Variants in SNX29 observed in about 807,000 individuals in gnomAD.
SNX29 encodes sorting nexin 29, also known as sorting nexin-29.
In SNX29, 78 loss-of-function variants were observed where a neutral mutation model predicts 102.1. The ratio of observed to expected loss-of-function variants is 0.76; its 90% CI spans 0.64 to 0.92. SNX29 has a LOEUF of 0.92. Ranked by LOEUF, SNX29 falls within the 40% of genes least tolerant of loss-of-function variation. The probability of loss-of-function intolerance (pLI) is 0.00; values close to 1 mark genes in which losing one functional copy is unlikely to be tolerated. For synonymous variants in SNX29, 580 were observed against 414.5 expected, an observed-to-expected ratio of 1.40 and a Z score of -4.85; for missense variants, 1,280 against 1,061.7, an observed-to-expected ratio of 1.21 and a Z score of -2.86.
chr16:12,570,964 C>G lies in SNX29; in HGVS notation c.*2335C>G, dbSNP rs149573066. The G allele has an allele frequency of 2.6e-3, 614 of 232,320 alleles. 2 individuals are homozygous for G. Among genetic ancestry groups the G allele is most frequent in the African/African-American group, 0.012 (562 of 45,408 alleles). 14.4% of individuals were successfully genotyped at this position (232,320 alleles called of 1,614,324 possible). A position where few individuals can be genotyped will look rare whatever the true frequency, so the allele number is the denominator to read the frequency against. The stretch of plus-strand genomic sequence containing the variant: ...CCACATGGGGACCATCCCCAGCTGC[C>G]TGCTCCTGGTACCTCCCCCATGATC... On this transcript the variant is annotated 3_prime_UTR_variant, in exon 21 of 21. Transcript: ENST00000566228.
chr16:12,554,695 G>A (rs907028289), intron 20 of SNX29, among the ~76,000 whole-genome samples: 2 of 151,992 alleles, frequency 1.3e-5, no homozygotes, highest in Non-Finnish European at 2.9e-5. Flanking sequence ...CAGCATCCCT[G>A]CCCATGCCTG....
At chr16:12,129,851 T>G in intron 13 of SNX29, 93 bp downstream of exon 13, 1 of 1,422,002 alleles carries the variant, frequency 7.0e-7, no homozygotes, top group Non-Finnish European at 9.3e-7. Flanking sequence ...ATGCCTGTAA[T>G]CCCAGCACTT....
Position 12,447,765 on chromosome 16 carries a change from C to T in SNX29, c.2038-29954C>T, listed in dbSNP as rs1597410385. On this transcript the variant is annotated intron_variant, in intron 18 of 20. Coordinates refer to ENST00000566228, the MANE Select transcript of SNX29 (RefSeq NM_032167.5). ...CTCTCTCCTGAGATTGTGTTTGTCA[C>T]TTGGCGAGAGTGCTTCATGTGTCCC... 2.0e-5 allele frequency among the ~76,000 whole-genome samples: 3 copies of T among 152,188 alleles called. No homozygotes were observed. In the East Asian group the frequency reaches 5.8e-4, roughly 29 times the overall value.
chr16:12,025,283 C>G (rs370421597), intron 3 of SNX29, among the ~76,000 whole-genome samples: 19 of 80,838 alleles, frequency 2.4e-4, no homozygotes, highest in African/African-American at 9.6e-4. Context: ...GCCTGGGCAA[C>G]AAGAGCAAAA....
intron 6 of SNX29, 22 bp downstream of exon 6, chr16:12,046,476 G>T: frequency 3.7e-6 from 6 of 1,613,394 alleles, no homozygotes; most frequent in Non-Finnish European, 5.1e-6. Context: ...CCAGACCAGG[G>T]TGCAGGGCCT....
intron 15 of SNX29, among the ~76,000 whole-genome samples, chr16:12,278,761 A>C (rs765940755): frequency 1.3e-5 from 2 of 152,248 alleles, no homozygotes; most frequent in African/African-American, 2.4e-5. Context: ...AAATTCTAGA[A>C]AGTCATTACT....
intron 16 of SNX29, among the ~76,000 whole-genome samples, chr16:12,379,823 C>A (rs62039997): frequency 0.071 from 10,804 of 152,148 alleles, 629 homozygotes; most frequent in East Asian, 0.36. Flanking sequence ...TCATCGATCC[C>A]GGTGAGTGGG....
At chr16:12,553,977 A>C (rs1433038580) in intron 20 of SNX29, among the ~76,000 whole-genome samples, 1 of 152,060 alleles carries the variant, frequency 6.6e-6, no homozygotes, top group Non-Finnish European at 1.5e-5. Context: ...ACAGGCATCC[A>C]CCACATTTGG....
intron 20 of SNX29, among the ~76,000 whole-genome samples, chr16:12,561,803 GC>G (rs949047175): frequency 5.9e-5 from 9 of 152,260 alleles, no homozygotes; most frequent in Admixed American, 1.3e-4. Context: ...CTGGCAGGGG[GC>G]TCATTACCGC....
intron 5 of SNX29, among the ~76,000 whole-genome samples, chr16:12,043,820 C>G (rs1263800601): frequency 6.6e-6 from 1 of 152,112 alleles, no homozygotes; most frequent in Non-Finnish European, 1.5e-5. Context: ...CTGATGCTAT[C>G]TGGGCTCACT....
In SNX29 at chr16:12,463,371, G is replaced by A. The variant is rs573629161; in HGVS notation, c.2038-14348G>A. Among the ~76,000 whole-genome samples, 9 of 152,234 alleles carry A rather than the reference G, an allele frequency of 5.9e-5. No homozygotes were observed. In the South Asian group the frequency reaches 1.9e-3, roughly 32 times the overall value. ...GTTTACAAAAGAAAGAGCTTTAATT[G>A]GACTCACAGTTCCACATGGCTAAGG... On this transcript the variant is annotated intron_variant, in intron 18 of 20. Transcript: ENST00000566228.
Position 12,568,761 on chromosome 16 carries a change from C to A in SNX29, c.*132C>A. On this transcript the variant is annotated 3_prime_UTR_variant, in exon 21 of 21. Transcript: ENST00000566228. The stretch of plus-strand genomic sequence containing the variant: ...GATCCTGAGAGCACACGATTCCCAA[C>A]AGTTACACAACACCCCGATTAAACT... 1 of 1,341,418 alleles carries A rather than the reference C, an allele frequency of 7.5e-7. No individual in the cohort carries two copies. The highest frequency in any genetic ancestry group is 1.0e-6 in the Non-Finnish European group (1 of 1,001,680). 83.1% of individuals were successfully genotyped at this position (1,341,418 alleles called of 1,614,324 possible). A position where few individuals can be genotyped will look rare whatever the true frequency, so the allele number is the denominator to read the frequency against.
intron 15 of SNX29, among the ~76,000 whole-genome samples, chr16:12,311,453 T>C (rs745731579): frequency 1.4e-4 from 22 of 152,232 alleles, no homozygotes; most frequent in Non-Finnish European, 2.5e-4. Flanking sequence ...CTTTCCTGGC[T>C]CCTGGCTTCC....
intron 14 of SNX29, among the ~76,000 whole-genome samples, chr16:12,227,093 C>G (rs2077632894): frequency 6.6e-6 from 1 of 152,122 alleles, no homozygotes; most frequent in Non-Finnish European, 1.5e-5. Flanking sequence ...CCTGTTGGGG[C>G]TTTTGTACAA....
At chr16:12,118,021 C>T (rs750012917) in intron 11 of SNX29, among the ~76,000 whole-genome samples, 20 of 151,580 alleles carry the variant, frequency 1.3e-4, no homozygotes, top group Admixed American at 6.6e-4. Flanking sequence ...TGCTTCAACA[C>T]GGGAGGCGGA....
chr16:12,476,643 A>G (rs953116088), intron 18 of SNX29, among the ~76,000 whole-genome samples: 1 of 151,324 alleles, frequency 6.6e-6, no homozygotes, highest in Non-Finnish European at 1.5e-5. Context: ...TGTAAACTTG[A>G]TAGGCATTCT....
chr16:12,012,938 A>G (rs1596589628), intron 3 of SNX29, among the ~76,000 whole-genome samples: 1 of 152,042 alleles, frequency 6.6e-6, no homozygotes, highest in Non-Finnish European at 1.5e-5. Context: ...TTGGGAAAAA[A>G]GAAAGAAAAT....
chr16:12,482,736 G>A (rs2088005368), intron 19 of SNX29, among the ~76,000 whole-genome samples: 1 of 152,190 alleles, frequency 6.6e-6, no homozygotes, highest in Admixed American at 6.5e-5. Flanking sequence ...TTTGTCAGAT[G>A]AGTATCCTTC....
chr16:12,356,255 G>A lies in SNX29; in HGVS notation c.1875G>A (p.Gln625=). 1 of 1,610,866 alleles carries A rather than the reference G, an allele frequency of 6.2e-7. No homozygotes were observed. The highest frequency in any genetic ancestry group is 8.5e-7 in the Non-Finnish European group (1 of 1,178,780). ...AKEALVSQMR[Q]ELIDLRGPVP... ...AAGCCCTCGTGTCCCAGATGAGGCAGGAGCTCATCGATCTCCGGGGACCGG... is the reference window on the plus strand; with the variant it reads ...AAGCCCTCGTGTCCCAGATGAGGCAAGAGCTCATCGATCTCCGGGGACCGG... The change falls in exon 16 of 21, where the codon CAG becomes CAA. Residue 625 remains glutamine, a synonymous_variant. Transcript: ENST00000566228.
Sources: allele counts gnomAD v4.1 joint callset (sites outside exome capture counted in the v4.1 genomes callset), GRCh38; gene constraint gnomAD v4.1.1; transcripts MANE v1.5; gene names NCBI Gene and HGNC (gene_info 2026-07-23, HGNC 2026-07-21).